The following TOX variants were observed in gnomAD, a reference collection of about 807,000 sequenced individuals.
TOX encodes the protein thymocyte selection-associated high mobility group box protein TOX.
TOX carries 11 observed loss-of-function variants against 53.7 expected under a neutral mutation model. The observed-to-expected ratio is 0.20, with a 90% CI of 0.13 to 0.34. The LOEUF (loss-of-function observed/expected upper bound fraction) is 0.34, where lower values mean the gene tolerates loss of function less well. Among genes scored for constraint, TOX ranks in the 10% least tolerant of loss-of-function variants. TOX has a pLI of 1.00. For synonymous variants in TOX, 225 were observed against 245.3 expected (o/e 0.92, Z 0.77); for missense variants, 570 against 664.6 (o/e 0.86, Z 1.56).
intron 1 of TOX, among the ~76,000 whole-genome samples, chr8:58,962,380 G>A (rs542862152): frequency 1.3e-5 from 2 of 152,064 alleles, no homozygotes; most frequent in African/African-American, 4.8e-5. Context: ...ACTGATTTAA[G>A]CATCACAAAA....
At chr8:58,823,226 T>A (rs1170967958) in intron 6 of TOX, among the ~76,000 whole-genome samples, 3 of 152,134 alleles carry the variant, frequency 2.0e-5, no homozygotes, top group Non-Finnish European at 4.4e-5. Flanking sequence ...CTTTTTTATT[T>A]TTTATTATTT....
chr8:59,007,513 C>T (rs1393492501), intron 1 of TOX, among the ~76,000 whole-genome samples: 9 of 152,244 alleles, frequency 5.9e-5, no homozygotes, highest in African/African-American at 2.2e-4. Flanking sequence ...GGATCCACAA[C>T]ATTCAGCTCA....
chr8:59,089,105 C>G (rs1040449153), intron 1 of TOX, among the ~76,000 whole-genome samples: 1 of 152,194 alleles, frequency 6.6e-6, no homozygotes, highest in Non-Finnish European at 1.5e-5. Flanking sequence ...TCTGAAATCA[C>G]TTTGTGAAAG....
At chr8:59,093,165 T>G (rs1317917684) in intron 1 of TOX, among the ~76,000 whole-genome samples, 1 of 152,232 alleles carries the variant, frequency 6.6e-6, no homozygotes, top group African/African-American at 2.4e-5. Context: ...TAATCCTTTC[T>G]GTTCTTCCTA....
intron 7 of TOX, among the ~76,000 whole-genome samples, chr8:58,814,949 T>C (rs1563360328): frequency 6.6e-6 from 1 of 152,216 alleles, no homozygotes; most frequent in African/African-American, 2.4e-5. Flanking sequence ...AAACAATATT[T>C]TTTAAAAAGT....
At chr8:58,935,412 A>G (rs1412232228) in intron 3 of TOX, among the ~76,000 whole-genome samples, 1 of 152,224 alleles carries the variant, frequency 6.6e-6, no homozygotes, top group Non-Finnish European at 1.5e-5. Flanking sequence ...GATCACATTC[A>G]AGAGCTTTTA....
intron 4 of TOX, among the ~76,000 whole-genome samples, chr8:58,845,554 T>A (rs1810707006): frequency 1.3e-5 from 2 of 152,166 alleles, no homozygotes; most frequent in Admixed American, 6.6e-5. Context: ...GGTTTATTAT[T>A]ATCTTTAATA....
At chr8:59,029,272 G>A (rs916765068) in intron 1 of TOX, among the ~76,000 whole-genome samples, 3 of 136,622 alleles carry the variant, frequency 2.2e-5, no homozygotes, top group Non-Finnish European at 3.0e-5. Context: ...GTATTCAGTC[G>A]CTGTACAGTA....
chr8:59,038,196 G>C (rs146760962), intron 1 of TOX, among the ~76,000 whole-genome samples: 25 of 152,178 alleles, frequency 1.6e-4, no homozygotes, highest in African/African-American at 6.0e-4. Flanking sequence ...ATTACATTTC[G>C]ATCTGTCATA....
intron 2 of TOX, among the ~76,000 whole-genome samples, chr8:58,941,880 C>T (rs928004478): frequency 6.6e-6 from 1 of 151,870 alleles, no homozygotes; most frequent in African/African-American, 2.4e-5. Context: ...TGGTGAAACC[C>T]CATCTCTATT....
At chr8:58,931,941 C>T (rs1001926037) in intron 3 of TOX, among the ~76,000 whole-genome samples, 9 of 152,034 alleles carry the variant, frequency 5.9e-5, no homozygotes, top group African/African-American at 2.2e-4. Flanking sequence ...TTCCTGAATA[C>T]TATTAAGGAG....
chr8:59,015,384 G>C (rs1055464904), intron 1 of TOX, among the ~76,000 whole-genome samples: 1 of 152,188 alleles, frequency 6.6e-6, no homozygotes, highest in Non-Finnish European at 1.5e-5. Flanking sequence ...GGGTCGAAAA[G>C]CTAGAGCTGA....
chr8:58,873,957 G>GTTTTTTTTTTTTTTT (rs1585873069), intron 3 of TOX, among the ~76,000 whole-genome samples: 1 of 43,990 alleles, frequency 2.3e-5, no homozygotes, highest in African/African-American at 3.1e-4. Context: ...ATGCCAGGAA[G>GTTTTTTTTTTTTTTT]CTTTTTTTTT....
At chr8:58,879,344 T>G (rs1264424343) in intron 3 of TOX, among the ~76,000 whole-genome samples, 2 of 152,168 alleles carry the variant, frequency 1.3e-5, no homozygotes, top group Non-Finnish European at 2.9e-5. Context: ...GCATATAATT[T>G]AGAAATTACA....
chr8:59,002,446 G>C (rs1439479523), intron 1 of TOX, among the ~76,000 whole-genome samples: 1 of 151,254 alleles, frequency 6.6e-6, no homozygotes, highest in South Asian at 2.1e-4. Context: ...CAAAAAATTA[G>C]CGGAGCGTGG....
chr8:58,914,525 T>A (rs1485289441), intron 3 of TOX, among the ~76,000 whole-genome samples: 1 of 152,198 alleles, frequency 6.6e-6, no homozygotes, highest in African/African-American at 2.4e-5. Context: ...TGTCTGGACA[T>A]TTTATGACTG....
intron 1 of TOX, among the ~76,000 whole-genome samples, chr8:59,061,249 T>C (rs953351998): frequency 5.9e-5 from 9 of 152,204 alleles, no homozygotes; most frequent in Non-Finnish European, 1.3e-4. Flanking sequence ...TGGATCAAAG[T>C]ATTATGAATG....
At chr8:59,089,561 G>C (rs975058481) in intron 1 of TOX, among the ~76,000 whole-genome samples, 1 of 152,144 alleles carries the variant, frequency 6.6e-6, no homozygotes, top group African/African-American at 2.4e-5. Flanking sequence ...GGGAAAAAAC[G>C]CAAGGCTGAC....
At chr8:59,052,683 T>C (rs1029807894) in intron 1 of TOX, among the ~76,000 whole-genome samples, 10 of 152,196 alleles carry the variant, frequency 6.6e-5, no homozygotes, top group Admixed American at 3.9e-4. Context: ...ATTTCTGCCA[T>C]TCACCAGCTG....
Sources: gnomAD v4.1 joint callset for allele counts (sites outside exome capture counted in the v4.1 genomes callset) on GRCh38, gnomAD v4.1.1 for gene constraint, MANE v1.5 for transcripts, NCBI Gene and HGNC (gene_info 2026-07-23, HGNC 2026-07-21) for gene names.